Variants in TENM1 observed in about 807,000 individuals in gnomAD.
TENM1 encodes the protein teneurin transmembrane protein 1, also known as teneurin-1.
A neutral mutation model predicts 174.8 loss-of-function variants in TENM1; 35 were observed. That is an observed-to-expected ratio of 0.20 (90% CI 0.15 to 0.27). The LOEUF is 0.27. Ranked by LOEUF, TENM1 falls within the 10% of genes least tolerant of loss-of-function variation. The pLI is 1.00. For missense variants in TENM1, 1,633 were observed against 2,130.1 expected, an observed-to-expected ratio of 0.77 and a Z score of 4.59; for synonymous variants, 781 against 798.7, an observed-to-expected ratio of 0.98 and a Z score of 0.37.
At chrX:124,462,086 T>C (rs5958493) in intron 22 of TENM1, among the ~76,000 whole-genome samples, 28,243 of 109,859 alleles carry the variant, frequency 0.26, 3,934 homozygotes, top group African/African-American at 0.54. Context: ...CGTTTCTCTT[T>C]CTTTCTGAGA....
At chrX:124,640,184 GTTA>G (rs1211482335) in intron 11 of TENM1, among the ~76,000 whole-genome samples, 5 of 110,648 alleles carry the variant, frequency 4.5e-5, no homozygotes, top group African/African-American at 1.3e-4. Flanking sequence ...TTTCATTTTC[GTTA>G]TTATTAGATT....
At chrX:125,043,188 T>C in the TENM1 span, among the ~76,000 whole-genome samples, 1 of 91,889 alleles carries the variant, frequency 1.1e-5, no homozygotes, top group Admixed American at 1.3e-4. Flanking sequence ...CTAAAGAGCT[T>C]CTGCACAGCA....
the TENM1 span, among the ~76,000 whole-genome samples, chrX:125,040,635 T>C: frequency 1.8e-5 from 2 of 111,518 alleles, no homozygotes; most frequent in African/African-American, 6.5e-5. Context: ...ACTAGATGTA[T>C]GTTATATCAT....
the TENM1 span, among the ~76,000 whole-genome samples, chrX:125,064,350 C>T: frequency 9.0e-6 from 1 of 111,019 alleles, no homozygotes; most frequent in Admixed American, 9.6e-5. Context: ...AGAAAGATAT[C>T]TGTTCAGGAG....
At chrX:125,076,667 T>C in the TENM1 span, among the ~76,000 whole-genome samples, 3 of 111,685 alleles carry the variant, frequency 2.7e-5, no homozygotes, top group African/African-American at 9.8e-5. Flanking sequence ...CTTGCCACTC[T>C]TGAATCATCT....
chrX:125,114,418 C>A, the TENM1 span, among the ~76,000 whole-genome samples: 3 of 100,022 alleles, frequency 3.0e-5, no homozygotes, highest in Non-Finnish European at 5.8e-5. Flanking sequence ...GATAGAGACA[C>A]GAAAAAACCT....
At chrX:124,546,632 A>T (rs1395459200) in intron 15 of TENM1, among the ~76,000 whole-genome samples, 1 of 112,103 alleles carries the variant, frequency 8.9e-6, no homozygotes. Context: ...TTTGTTATTA[A>T]AAGCCATATT....
At chrX:125,151,303 T>C in the TENM1 span, among the ~76,000 whole-genome samples, 1 of 112,455 alleles carries the variant, frequency 8.9e-6, no homozygotes, top group Non-Finnish European at 1.9e-5. Flanking sequence ...TTGAGGTATT[T>C]ATCCAAAATA....
At chrX:124,488,343 G>A (rs1015627026) in intron 20 of TENM1, among the ~76,000 whole-genome samples, 1 of 112,291 alleles carries the variant, frequency 8.9e-6, no homozygotes, top group Non-Finnish European at 1.9e-5. Flanking sequence ...CTAGGAAATG[G>A]TCTTATTCTT....
intron 5 of TENM1, among the ~76,000 whole-genome samples, chrX:124,700,314 G>A (rs1176205495): frequency 9.0e-6 from 1 of 111,162 alleles, no homozygotes; most frequent in Non-Finnish European, 1.9e-5. Context: ...AGATGACTTT[G>A]GAAAGAAGGG....
chrX:124,971,451 A>G, the TENM1 span, among the ~76,000 whole-genome samples: 4 of 111,352 alleles, frequency 3.6e-5, no homozygotes, highest in Non-Finnish European at 7.5e-5. Flanking sequence ...CTTCTACACA[A>G]TATCTGTAAC....
Position 124,420,884 on chromosome X carries a change from G to C in TENM1, c.4472-63C>G, listed in dbSNP as rs778270005. The C allele has an allele frequency of 9.5e-5, 97 of 1,021,380 alleles. No homozygotes were observed. The Middle Eastern group carries it at 1.4e-3, about 15-fold the overall frequency. The allele number at this position is 1,021,380 out of a possible 1,213,427, so 84.2% of individuals were successfully genotyped here. On this transcript the variant is annotated intron_variant, in intron 24 of 31. Coordinates refer to ENST00000422452, the Ensembl canonical transcript of TENM1. ...TAAGCATTTACATGAACATACCACA[G>C]ACATAAAGCTCTGTGCATCAAGAAT...
chrX:124,777,991 C>T (rs998276663), intron 3 of TENM1, among the ~76,000 whole-genome samples: 3 of 112,872 alleles, frequency 2.7e-5, no homozygotes, highest in African/African-American at 9.7e-5. Context: ...TTTTCAAAAA[C>T]AGTCGATAGG....
At chrX:124,470,744 G>T (rs996225795) in intron 22 of TENM1, among the ~76,000 whole-genome samples, 9 of 110,173 alleles carry the variant, frequency 8.2e-5, no homozygotes, top group Admixed American at 3.0e-4. Flanking sequence ...CCTTCAGCAG[G>T]TCTCCTGTAA....
chrX:125,117,780 C>T, the TENM1 span, among the ~76,000 whole-genome samples: 1 of 111,459 alleles, frequency 9.0e-6, no homozygotes, highest in African/African-American at 3.3e-5. Flanking sequence ...TTGGTGGGAA[C>T]ATAAAGTAGG....
intron 3 of TENM1, among the ~76,000 whole-genome samples, chrX:124,890,304 T>A (rs2057453585): frequency 8.9e-6 from 1 of 111,764 alleles, no homozygotes; most frequent in Admixed American, 9.6e-5. Flanking sequence ...GTTCAATGTG[T>A]AGCCAAATGT....
intron 30 of TENM1, 139 bp from the exon 34 acceptor site, chrX:124,382,951 T>TATTG (rs2060176473): frequency 5.9e-6 from 1 of 170,483 alleles, no homozygotes. Context: ...TTTATTTATT[T>TATTG]ATTTATTTAT....
chrX:124,704,072 C>T (rs974883789), intron 5 of TENM1, among the ~76,000 whole-genome samples: 1 of 112,101 alleles, frequency 8.9e-6, no homozygotes, highest in Non-Finnish European at 1.9e-5. Context: ...TGGGAATCAA[C>T]CAAATGTACT....
the TENM1 span, among the ~76,000 whole-genome samples, chrX:125,181,938 T>A: frequency 1.5e-4 from 17 of 112,195 alleles, no homozygotes; most frequent in Non-Finnish European, 3.2e-4. Flanking sequence ...TTTTCCGTAC[T>A]GAGTAAACCT....
Sources: gnomAD v4.1 joint callset for allele counts (sites outside exome capture counted in the v4.1 genomes callset) on GRCh38, gnomAD v4.1.1 for gene constraint, MANE v1.5 for transcripts, NCBI Gene and HGNC (gene_info 2026-07-23, HGNC 2026-07-21) for gene names.